ADGRB3: variants seen among roughly 807,000 people sequenced by gnomAD.
ADGRB3 encodes brain-specific angiogenesis inhibitor 3.
Under a neutral mutation model 193.4 loss-of-function variants are expected in ADGRB3, and 37 were observed. The observed-to-expected ratio is 0.19, with a 90% CI of 0.15 to 0.25. The LOEUF is 0.25. Among genes scored for constraint, ADGRB3 ranks in the 10% least tolerant of loss-of-function variants. The probability of loss-of-function intolerance (pLI) is 1.00; values close to 1 mark genes in which losing one functional copy is unlikely to be tolerated. For synonymous variants in ADGRB3, 690 were observed against 644.2 expected (o/e 1.07, Z -1.08); for missense variants, 1,637 against 1,852.9 (o/e 0.88, Z 2.14).
chr6:68,817,067 A>G (rs1257182442), intron 3 of ADGRB3, among the ~76,000 whole-genome samples: 1 of 151,648 alleles, frequency 6.6e-6, no homozygotes, highest in Admixed American at 6.6e-5. Context: ...CTGCTAGACC[A>G]AAATTCCTGA....
chr6:68,930,051 C>T (rs563487811), intron 3 of ADGRB3, among the ~76,000 whole-genome samples: 1 of 150,236 alleles, frequency 6.7e-6, no homozygotes, highest in African/African-American at 2.4e-5. Context: ...CCAAGGGCAA[C>T]CTCATCTTTG....
chr6:68,761,053 A>G (rs1766386215), intron 3 of ADGRB3, among the ~76,000 whole-genome samples: 1 of 152,162 alleles, frequency 6.6e-6, no homozygotes, highest in Admixed American at 6.6e-5. Context: ...TTCTGTTGAT[A>G]TCCTTTCCTG....
At chr6:68,938,907 C>T (rs139422452) in intron 5 of ADGRB3, among the ~76,000 whole-genome samples, 1 of 152,062 alleles carries the variant, frequency 6.6e-6, no homozygotes, top group Non-Finnish European at 1.5e-5. Context: ...TTTGAATAGC[C>T]AAGACCCTTT....
chr6:69,326,394 T>C (rs1416403528), intron 21 of ADGRB3, among the ~76,000 whole-genome samples: 22 of 152,148 alleles, frequency 1.4e-4, no homozygotes, highest in Admixed American at 1.4e-3. Flanking sequence ...AAATACAGAA[T>C]ACAGGTAAAA....
At chr6:68,991,234 G>T (rs1011542598) in intron 10 of ADGRB3, among the ~76,000 whole-genome samples, 2 of 152,126 alleles carry the variant, frequency 1.3e-5, no homozygotes, top group African/African-American at 4.8e-5. Flanking sequence ...AGCATAGATG[G>T]AAGTTGATTC....
chr6:68,885,354 AAAT>A (rs1370346461), intron 3 of ADGRB3, among the ~76,000 whole-genome samples: 3 of 152,186 alleles, frequency 2.0e-5, no homozygotes, highest in African/African-American at 7.2e-5. Flanking sequence ...TAAAAATTTT[AAAT>A]AATATTAATT....
intron 15 of ADGRB3, among the ~76,000 whole-genome samples, chr6:69,056,172 G>T (rs896083453): frequency 1.3e-5 from 2 of 152,036 alleles, no homozygotes; most frequent in Admixed American, 1.3e-4. Context: ...TGGGTGTGAG[G>T]TGATAACCCA....
intron 3 of ADGRB3, among the ~76,000 whole-genome samples, chr6:68,903,999 A>AG (rs1387768964): frequency 6.8e-6 from 1 of 146,900 alleles, no homozygotes; most frequent in Non-Finnish European, 1.5e-5. Flanking sequence ...TATGAAAAAA[A>AG]AAAAAAAAGG....
At chr6:69,106,518 G>C (rs1039292314) in intron 17 of ADGRB3, among the ~76,000 whole-genome samples, 1 of 152,194 alleles carries the variant, frequency 6.6e-6, no homozygotes, top group African/African-American at 2.4e-5. Flanking sequence ...ATCACCTTTT[G>C]AAAAGTATCT....
At chr6:69,130,487 G>A (rs1038167511) in intron 17 of ADGRB3, among the ~76,000 whole-genome samples, 4 of 150,388 alleles carry the variant, frequency 2.7e-5, no homozygotes, top group Admixed American at 6.6e-5. Context: ...CAAGAAAGAG[G>A]AGGATGCTAT....
intron 12 of ADGRB3, among the ~76,000 whole-genome samples, chr6:69,018,181 T>C (rs1269472201): frequency 1.3e-5 from 2 of 151,938 alleles, no homozygotes; most frequent in African/African-American, 4.8e-5. Context: ...GATTAATCAC[T>C]ACATCATATT....
intron 3 of ADGRB3, among the ~76,000 whole-genome samples, chr6:68,826,605 T>A (rs1249437737): frequency 6.6e-6 from 1 of 152,130 alleles, no homozygotes; most frequent in Non-Finnish European, 1.5e-5. Context: ...TCAATCTGGA[T>A]GTTGTGTTGA....
intron 6 of ADGRB3, among the ~76,000 whole-genome samples, chr6:68,946,689 C>T (rs1347336823): frequency 1.3e-5 from 2 of 152,086 alleles, no homozygotes; most frequent in Non-Finnish European, 2.9e-5. Flanking sequence ...AACTGTGTCT[C>T]CCACTACTCA....
chr6:69,329,107 A>G (rs1225983905), intron 22 of ADGRB3, among the ~76,000 whole-genome samples: 1 of 152,020 alleles, frequency 6.6e-6, no homozygotes, highest in Non-Finnish European at 1.5e-5. Context: ...CTATTAGTAT[A>G]TCTTGAAAGA....
chr6:69,382,732 C>A, intron 30 of ADGRB3, 99 bp from the exon 31 acceptor site: 1 of 783,868 alleles, frequency 1.3e-6, no homozygotes, highest in East Asian at 3.1e-5. Context: ...TCCTGCCAAA[C>A]TTGATTACCC....
At chr6:69,119,096 C>A (rs1040363167) in intron 17 of ADGRB3, among the ~76,000 whole-genome samples, 6 of 152,154 alleles carry the variant, frequency 3.9e-5, no homozygotes, top group Non-Finnish European at 8.8e-5. Flanking sequence ...TCCACCAATC[C>A]TCCAGTTTTT....
At chr6:69,135,489 A>T (rs1484578692) in intron 17 of ADGRB3, among the ~76,000 whole-genome samples, 2 of 152,096 alleles carry the variant, frequency 1.3e-5, no homozygotes, top group East Asian at 1.9e-4. Context: ...GTACTGTCGT[A>T]GTAAGCCAGG....
chr6:69,047,089 G>A (rs1446723745), intron 13 of ADGRB3, among the ~76,000 whole-genome samples: 2 of 152,152 alleles, frequency 1.3e-5, no homozygotes, highest in African/African-American at 4.8e-5. Context: ...TCGATCTCCT[G>A]ACCTCGTGAT....
chr6:69,146,171 C>T (rs1458066448), intron 17 of ADGRB3, among the ~76,000 whole-genome samples: 1 of 152,144 alleles, frequency 6.6e-6, no homozygotes, highest in Non-Finnish European at 1.5e-5. Context: ...GCCCTCAGCC[C>T]TCCCCTCAGC....
Sources: allele counts gnomAD v4.1 joint callset (sites outside exome capture counted in the v4.1 genomes callset), GRCh38; gene constraint gnomAD v4.1.1; transcripts MANE v1.5; gene names NCBI Gene and HGNC (gene_info 2026-07-23, HGNC 2026-07-21).